PRELID2: variants seen among roughly 807,000 people sequenced by gnomAD.
PRELID2 encodes PRELI domain-containing protein 2.
In PRELID2, 25 loss-of-function variants were observed where a neutral mutation model predicts 28.4. The ratio of observed to expected loss-of-function variants is 0.88; its 90% CI spans 0.64 to 1.23. The LOEUF (loss-of-function observed/expected upper bound fraction) is 1.23, where lower values mean the gene tolerates loss of function less well. Among genes scored for constraint, PRELID2 ranks in the 50% most tolerant of loss-of-function variants. PRELID2 has a pLI of 0.00. For synonymous variants in PRELID2, 76 were observed against 71.6 expected (o/e 1.06, Z -0.31); for missense variants, 201 against 214.4 (o/e 0.94, Z 0.39).
At chr5:145,342,902 TAA>T in the PRELID2 span, among the ~76,000 whole-genome samples, 150 of 128,936 alleles carry the variant, frequency 1.2e-3, 1 homozygote, top group South Asian at 4.3e-3. Context: ...TCAAAAACAG[TAA>T]AAAAAAAAAA....
the PRELID2 span, among the ~76,000 whole-genome samples, chr5:145,327,110 T>C: frequency 2.6e-5 from 4 of 152,166 alleles, no homozygotes. Flanking sequence ...GGAAGAAACA[T>C]TCTGTATATG....
chr5:145,359,109 T>G, the PRELID2 span, among the ~76,000 whole-genome samples: 29 of 152,202 alleles, frequency 1.9e-4, no homozygotes, highest in Non-Finnish European at 4.4e-5. Context: ...AATCTTTAAC[T>G]GGTACTCCAA....
At chr5:145,442,490 A>C in the PRELID2 span, among the ~76,000 whole-genome samples, 1 of 152,104 alleles carries the variant, frequency 6.6e-6, no homozygotes, top group African/African-American at 2.4e-5. Flanking sequence ...GTTGAGAAAT[A>C]ATAGACACAC....
At chr5:145,406,566 T>C in the PRELID2 span, among the ~76,000 whole-genome samples, 2 of 152,178 alleles carry the variant, frequency 1.3e-5, no homozygotes, top group East Asian at 1.9e-4. Flanking sequence ...AAATGGCAGA[T>C]TGGAGACAGA....
intron 1 of PRELID2, among the ~76,000 whole-genome samples, chr5:145,639,821 CA>C (rs1754068391): frequency 6.6e-6 from 1 of 152,140 alleles, no homozygotes; most frequent in Non-Finnish European, 1.5e-5. Flanking sequence ...TAGAAAAATT[CA>C]TATCGAAAAA....
the PRELID2 span, among the ~76,000 whole-genome samples, chr5:145,294,452 A>C: frequency 6.6e-6 from 1 of 152,268 alleles, no homozygotes; most frequent in East Asian, 1.9e-4. Context: ...TTCAAAACTA[A>C]AAGTTCTGTA....
Position 145,728,392 on chromosome 5 carries a change from T to G in PRELID2, n.70+36539A>C, listed in dbSNP as rs138368171. ...TGGAAACCTTTTTTATGGCCCTGGG[T>G]AGAGCTCAGAAATCCACACTTCAAG... On this transcript the variant is annotated intron_variant and non_coding_transcript_variant, in intron 1 of 2. Transcript: ENST00000510259. 9.0e-4 allele frequency: 443 copies of G among 489,520 alleles called. 3 individuals are homozygous for G. The East Asian group carries it at 0.017, about 19-fold the overall frequency. The allele number at this position is 489,520 out of a possible 1,614,324, so 30.3% of individuals were successfully genotyped here. A position where few individuals can be genotyped will look rare whatever the true frequency, so the allele number is the denominator to read the frequency against.
intron 1 of PRELID2, among the ~76,000 whole-genome samples, chr5:145,700,998 C>T (rs1581072807): frequency 1.3e-5 from 2 of 152,160 alleles, no homozygotes; most frequent in East Asian, 3.9e-4. Context: ...TCTGAGAGGA[C>T]CAGAGAAAGA....
chr5:145,571,439 G>A (rs2149617822), intron 1 of PRELID2, among the ~76,000 whole-genome samples: 1 of 152,298 alleles, frequency 6.6e-6, no homozygotes, highest in South Asian at 2.1e-4. Context: ...GCAGCACTAA[G>A]ATACCACATT....
At chr5:145,407,812 G>C in the PRELID2 span, among the ~76,000 whole-genome samples, 2 of 152,038 alleles carry the variant, frequency 1.3e-5, no homozygotes, top group Admixed American at 6.6e-5. Context: ...CTGTCAACAT[G>C]ACAACTTCAC....
chr5:145,380,058 G>T, the PRELID2 span, among the ~76,000 whole-genome samples: 1 of 152,166 alleles, frequency 6.6e-6, no homozygotes, highest in African/African-American at 2.4e-5. Flanking sequence ...CTATGGCCAT[G>T]CTCCTGCACC....
intron 1 of PRELID2, among the ~76,000 whole-genome samples, chr5:145,827,582 T>G (rs1755277462): frequency 6.6e-6 from 1 of 152,144 alleles, no homozygotes; most frequent in Non-Finnish European, 1.5e-5. Flanking sequence ...CAACAGCACA[T>G]CAGCCTCTTT....
intron 5 of PRELID2, among the ~76,000 whole-genome samples, chr5:145,783,678 G>C (rs1231698989): frequency 6.6e-6 from 1 of 152,148 alleles, no homozygotes; most frequent in East Asian, 1.9e-4. Flanking sequence ...TATTTCATCA[G>C]TTTTTTCATG....
At chr5:145,450,311 A>G in the PRELID2 span, among the ~76,000 whole-genome samples, 6 of 152,186 alleles carry the variant, frequency 3.9e-5, no homozygotes, top group African/African-American at 1.2e-4. Flanking sequence ...TCCTGTTGTC[A>G]ATGAGAGGCA....
At chr5:145,396,363 C>T in the PRELID2 span, among the ~76,000 whole-genome samples, 4 of 151,832 alleles carry the variant, frequency 2.6e-5, no homozygotes, top group Non-Finnish European at 5.9e-5. Flanking sequence ...ATCTACAGTA[C>T]TAGTAACTAG....
At chr5:145,272,663 A>C in the PRELID2 span, among the ~76,000 whole-genome samples, 1 of 152,166 alleles carries the variant, frequency 6.6e-6, no homozygotes, top group Non-Finnish European at 1.5e-5. Flanking sequence ...TATTGAGACA[A>C]TTAGATTTAA....
At chr5:145,427,635 A>G in the PRELID2 span, among the ~76,000 whole-genome samples, 1 of 152,260 alleles carries the variant, frequency 6.6e-6, no homozygotes, top group Admixed American at 6.5e-5. Flanking sequence ...ATATACTGAC[A>G]AAAGGAACGA....
chr5:145,772,694 C>T (rs1326759638), intron 5 of PRELID2, among the ~76,000 whole-genome samples: 1 of 152,162 alleles, frequency 6.6e-6, no homozygotes, highest in African/African-American at 2.4e-5. Flanking sequence ...ACTGTTGCAC[C>T]AAGGATTAAG....
At chr5:145,589,935 T>A (rs565394264) in intron 1 of PRELID2, among the ~76,000 whole-genome samples, 15 of 152,316 alleles carry the variant, frequency 9.8e-5, no homozygotes, top group Non-Finnish European at 1.8e-4. Context: ...ACTTTTTGAA[T>A]AGCCCATCAG....
Sources: gnomAD v4.1 joint callset for allele counts (sites outside exome capture counted in the v4.1 genomes callset) on GRCh38, gnomAD v4.1.1 for gene constraint, MANE v1.5 for transcripts, NCBI Gene and HGNC (gene_info 2026-07-23, HGNC 2026-07-21) for gene names.